ANK3: variants seen among roughly 807,000 people sequenced by gnomAD.
ANK3 encodes ankyrin 3, also known as ankyrin-3.
ANK3 carries 57 observed loss-of-function variants against 370.9 expected under a neutral mutation model. That is an observed-to-expected ratio of 0.15 (90% CI 0.12 to 0.19). The LOEUF (loss-of-function observed/expected upper bound fraction) is 0.19. Ranked by LOEUF, ANK3 falls within the 10% of genes least tolerant of loss-of-function variation. The pLI, the probability that ANK3 is intolerant of heterozygous loss-of-function variation, is 1.00. For missense variants in ANK3, 4,439 were observed against 5,302.1 expected, an observed-to-expected ratio of 0.84 and a Z score of 5.06; for synonymous variants, 1,929 against 1,946.3, an observed-to-expected ratio of 0.99 and a Z score of 0.23.
At chr10:60,324,696 G>A (rs966552741) in intron 1 of ANK3, among the ~76,000 whole-genome samples, 2 of 151,968 alleles carry the variant, frequency 1.3e-5, no homozygotes, top group African/African-American at 4.8e-5. Flanking sequence ...CCCTTTGCCT[G>A]CCTAGACCAT....
intron 2 of ANK3, among the ~76,000 whole-genome samples, chr10:60,517,449 G>C (rs1373443812): frequency 6.6e-6 from 1 of 152,072 alleles, no homozygotes; most frequent in Non-Finnish European, 1.5e-5. Context: ...TCCTGAACAT[G>C]CTCCATCTCA....
chr10:60,213,645 T>A, intron 8 of ANK3, 135 bp from the exon 9 acceptor site: 1 of 454,654 alleles, frequency 2.2e-6, no homozygotes, highest in Non-Finnish European at 3.8e-6. Context: ...ATTTATTTCA[T>A]AAAATAATTC....
chr10:60,161,228 ATT>A (rs2095492433), intron 23 of ANK3, among the ~76,000 whole-genome samples: 3 of 152,200 alleles, frequency 2.0e-5, no homozygotes, highest in African/African-American at 7.2e-5. Flanking sequence ...AATCAGTATC[ATT>A]TCTATGTGCT....
intron 2 of ANK3, among the ~76,000 whole-genome samples, chr10:60,431,581 A>G (rs1457627612): frequency 6.6e-6 from 1 of 152,098 alleles, no homozygotes; most frequent in African/African-American, 2.4e-5. Flanking sequence ...TACTCTCATA[A>G]GTGGGAGTTG....
chr10:60,254,079 A>C (rs536555308), intron 7 of ANK3, among the ~76,000 whole-genome samples: 1 of 152,258 alleles, frequency 6.6e-6, no homozygotes, highest in Admixed American at 6.5e-5. Context: ...CCTTATATAA[A>C]TCAGCATTTG....
intron 43 of ANK3, among the ~76,000 whole-genome samples, chr10:60,039,756 T>C (rs1411630493): frequency 2.0e-5 from 3 of 152,192 alleles, no homozygotes; most frequent in Non-Finnish European, 4.4e-5. Flanking sequence ...TAGCATTGTT[T>C]TGGGGATTTC....
chr10:60,300,570 A>C, intron 1 of ANK3: 1 of 1,175,860 alleles, frequency 8.5e-7, no homozygotes, highest in Middle Eastern at 3.9e-4. Flanking sequence ...TATAAACAGC[A>C]TAGTACCTCC....
intron 23 of ANK3, chr10:60,141,128 A>G (rs1590726859): frequency 1.7e-6 from 1 of 580,140 alleles, no homozygotes; most frequent in African/African-American, 2.0e-5. Context: ...GGCTAAGGAA[A>G]GCAGCAGTGA....
At chr10:60,512,339 T>C (rs1192787595) in intron 2 of ANK3, among the ~76,000 whole-genome samples, 1 of 152,076 alleles carries the variant, frequency 6.6e-6, no homozygotes, top group African/African-American at 2.4e-5. Flanking sequence ...AAATAATCCT[T>C]GAAAAGCCTT....
At chr10:60,627,873 T>C (rs2078432867) in intron 1 of ANK3, among the ~76,000 whole-genome samples, 2 of 152,288 alleles carry the variant, frequency 1.3e-5, no homozygotes, top group East Asian at 3.9e-4. Context: ...ATCTTCATTA[T>C]ACGAATAAGG....
At chr10:60,565,300 G>A (rs962587276) in intron 2 of ANK3, among the ~76,000 whole-genome samples, 1 of 152,136 alleles carries the variant, frequency 6.6e-6, no homozygotes, top group African/African-American at 2.4e-5. Context: ...CAGATCTCTT[G>A]CATGTGCAGT....
chr10:60,514,287 C>G (rs916406392), intron 2 of ANK3, among the ~76,000 whole-genome samples: 4 of 152,092 alleles, frequency 2.6e-5, no homozygotes, highest in African/African-American at 9.7e-5. Flanking sequence ...GGCCCCCTCT[C>G]TGTTCAAGGG....
chr10:60,471,666 A>T (rs2065222863), intron 2 of ANK3, among the ~76,000 whole-genome samples: 2 of 152,094 alleles, frequency 1.3e-5, no homozygotes, highest in African/African-American at 2.4e-5. Context: ...AATATTGCCA[A>T]ATTGCCTTTC....
chr10:60,366,467 T>G (rs1355658224), intron 1 of ANK3, among the ~76,000 whole-genome samples: 1 of 152,246 alleles, frequency 6.6e-6, no homozygotes, highest in African/African-American at 2.4e-5. Flanking sequence ...TCCAGGTCTC[T>G]GTGATACAAT....
chr10:60,197,012 G>A (rs1220763696), intron 14 of ANK3, among the ~76,000 whole-genome samples: 1 of 152,120 alleles, frequency 6.6e-6, no homozygotes. Context: ...GGAAGAATAA[G>A]TTATAGGGTC....
intron 1 of ANK3, among the ~76,000 whole-genome samples, chr10:60,326,766 A>T (rs1002940755): frequency 1.3e-5 from 2 of 152,200 alleles, no homozygotes; most frequent in Non-Finnish European, 2.9e-5. Context: ...TCATGCCTGT[A>T]ATCCCAGCAC....
chr10:60,241,332 C>T (rs1342116724), intron 7 of ANK3, among the ~76,000 whole-genome samples: 3 of 152,068 alleles, frequency 2.0e-5, no homozygotes, highest in Non-Finnish European at 1.5e-5. Context: ...AAAGTAAATA[C>T]GATTGTAATT....
At chr10:60,246,611 G>T (rs1400574055) in intron 7 of ANK3, among the ~76,000 whole-genome samples, 28 of 152,230 alleles carry the variant, frequency 1.8e-4, no homozygotes, top group Non-Finnish European at 1.5e-5. Flanking sequence ...CAAATGCTTG[G>T]ATGTTTGCTG....
At chr10:60,151,103 G>A (rs1361017324) in intron 23 of ANK3, among the ~76,000 whole-genome samples, 1 of 152,148 alleles carries the variant, frequency 6.6e-6, no homozygotes, top group Non-Finnish European at 1.5e-5. Flanking sequence ...TATTAATAAT[G>A]CTGTTGAATA....
Sources: allele counts gnomAD v4.1 joint callset (sites outside exome capture counted in the v4.1 genomes callset), GRCh38; gene constraint gnomAD v4.1.1; transcripts MANE v1.5; gene names NCBI Gene and HGNC (gene_info 2026-07-23, HGNC 2026-07-21).